The following AUTS2 variants were observed in gnomAD, a reference collection of about 807,000 sequenced individuals.
AUTS2 encodes autism susceptibility gene 2 protein.
AUTS2 carries 17 observed loss-of-function variants against 112.4 expected under a neutral mutation model. That is an observed-to-expected ratio of 0.15 (90% CI 0.10 to 0.23). AUTS2 has a LOEUF of 0.23. Among genes scored for constraint, AUTS2 ranks in the 10% least tolerant of loss-of-function variants. The pLI is 1.00. For synonymous variants in AUTS2, 751 were observed against 702.7 expected (o/e 1.07, Z -1.09); for missense variants, 1,510 against 1,701.6 (o/e 0.89, Z 1.98).
At chr7:69,705,808 T>C (rs1190088258) in intron 1 of AUTS2, among the ~76,000 whole-genome samples, 1 of 152,150 alleles carries the variant, frequency 6.6e-6, no homozygotes, top group Non-Finnish European at 1.5e-5. Flanking sequence ...GAGGTTTGGT[T>C]TCTTCTGAGG....
intron 1 of AUTS2, among the ~76,000 whole-genome samples, chr7:69,690,863 G>A (rs1476144281): frequency 1.3e-5 from 2 of 152,218 alleles, no homozygotes; most frequent in East Asian, 1.9e-4. Flanking sequence ...AATGAGATAC[G>A]TGGACAACCA....
intron 2 of AUTS2, among the ~76,000 whole-genome samples, chr7:70,093,587 G>A (rs891702968): frequency 3.3e-5 from 5 of 152,208 alleles, no homozygotes; most frequent in African/African-American, 1.2e-4. Flanking sequence ...TAACTTAGAA[G>A]TGGAGAGAAA....
chr7:69,927,442 A>T (rs1053308331), intron 2 of AUTS2, among the ~76,000 whole-genome samples: 12 of 150,180 alleles, frequency 8.0e-5, no homozygotes, highest in Admixed American at 2.0e-4. Context: ...TTAAATAATT[A>T]AAAAAAAAAT....
At chr7:70,586,979 G>A (rs1018297189) in intron 5 of AUTS2, among the ~76,000 whole-genome samples, 2 of 152,168 alleles carry the variant, frequency 1.3e-5, no homozygotes, top group Admixed American at 1.3e-4. Context: ...AGTAGTTTAG[G>A]TCTAATTCCA....
intron 5 of AUTS2, among the ~76,000 whole-genome samples, chr7:70,535,353 A>G (rs922945696): frequency 5.3e-5 from 8 of 152,034 alleles, no homozygotes; most frequent in Non-Finnish European, 7.4e-5. Context: ...AATTCTGCAC[A>G]TGAAAACTGA....
At chr7:70,646,034 G>A (rs539579093) in intron 5 of AUTS2, among the ~76,000 whole-genome samples, 11 of 152,324 alleles carry the variant, frequency 7.2e-5, no homozygotes, top group Non-Finnish European at 1.2e-4. Context: ...TGAACTTGCA[G>A]AAGGAAATGC....
In AUTS2 at chr7:69,812,264, A is replaced by T. The variant is rs375636413; in HGVS notation, c.310-87022A>T. Among the ~76,000 whole-genome samples the T allele has an allele frequency of 5.3e-5, 8 of 152,290 alleles. 1 individual carries two copies. Among genetic ancestry groups the T allele is most frequent in the Middle Eastern group, 6.8e-3 (2 of 294 alleles). On this transcript the variant is annotated intron_variant, in intron 1 of 18. Transcript: ENST00000342771. The stretch of plus-strand genomic sequence containing the variant: ...AACTCTCCAGCATCATAATTAGGGT[A>T]TTTCTGGGAGGAGAAAAAAAAGACA...
chr7:70,602,242 T>G (rs547738569), intron 5 of AUTS2, among the ~76,000 whole-genome samples: 1 of 152,198 alleles, frequency 6.6e-6, no homozygotes, highest in African/African-American at 2.4e-5. Context: ...CTTAGACTTA[T>G]GTCATGCCAT....
intron 1 of AUTS2, among the ~76,000 whole-genome samples, chr7:69,791,662 G>A (rs1789610681): frequency 6.6e-6 from 1 of 152,166 alleles, no homozygotes; most frequent in African/African-American, 2.4e-5. Flanking sequence ...AGCTGCTTAA[G>A]GTAAAGAAAT....
intron 2 of AUTS2, among the ~76,000 whole-genome samples, chr7:70,060,256 A>G (rs1425793354): frequency 6.6e-6 from 1 of 152,228 alleles, no homozygotes; most frequent in Non-Finnish European, 1.5e-5. Flanking sequence ...AATTTCACTT[A>G]AAGAAATGCT....
At chr7:70,132,459 A>G (rs1435941364) in intron 3 of AUTS2, among the ~76,000 whole-genome samples, 2 of 152,222 alleles carry the variant, frequency 1.3e-5, no homozygotes, top group East Asian at 3.8e-4. Context: ...AGGCAAGCCA[A>G]TCGCCATGAA....
intron 9 of AUTS2, among the ~76,000 whole-genome samples, chr7:70,767,794 T>C (rs1255172641): frequency 1.3e-5 from 2 of 152,218 alleles, no homozygotes; most frequent in African/African-American, 2.4e-5. Context: ...AAGAAAGGCA[T>C]CCTAGTACGT....
chr7:70,178,748 T>C (rs1057142024), intron 4 of AUTS2, among the ~76,000 whole-genome samples: 1 of 151,842 alleles, frequency 6.6e-6, no homozygotes, highest in African/African-American at 2.4e-5. Flanking sequence ...TGCAGTGAGC[T>C]GAGATGGTGC....
chr7:70,327,384 T>C (rs1790540075), intron 4 of AUTS2, among the ~76,000 whole-genome samples: 1 of 152,186 alleles, frequency 6.6e-6, no homozygotes, highest in African/African-American at 2.4e-5. Flanking sequence ...AATGCCTATT[T>C]ATCAGCCTTT....
intron 4 of AUTS2, among the ~76,000 whole-genome samples, chr7:70,426,566 C>T (rs993535201): frequency 6.6e-6 from 1 of 152,204 alleles, no homozygotes. Context: ...GTGAAACCGA[C>T]AGGCACAGAG....
intron 2 of AUTS2, among the ~76,000 whole-genome samples, chr7:69,948,320 C>G (rs1416621875): frequency 6.6e-6 from 1 of 152,188 alleles, no homozygotes; most frequent in African/African-American, 2.4e-5. Flanking sequence ...AAAAGATATT[C>G]TTTTACTCTT....
intron 2 of AUTS2, among the ~76,000 whole-genome samples, chr7:70,086,069 T>C (rs1167691325): frequency 6.6e-6 from 1 of 152,242 alleles, no homozygotes; most frequent in Non-Finnish European, 1.5e-5. Context: ...ATTGTAGTTT[T>C]ATAATCTATT....
intron 1 of AUTS2, among the ~76,000 whole-genome samples, chr7:69,726,057 C>T (rs117970834): frequency 0.013 from 1,972 of 152,186 alleles, 19 homozygotes; most frequent in East Asian, 0.052. Flanking sequence ...ATATTGTTTA[C>T]ATGCAGTGAA....
chr7:70,587,359 G>A (rs1186860896), intron 5 of AUTS2, among the ~76,000 whole-genome samples: 1 of 152,152 alleles, frequency 6.6e-6, no homozygotes, highest in Non-Finnish European at 1.5e-5. Context: ...TTACAGGCAT[G>A]AGCCACCACA....
Sources: allele counts gnomAD v4.1 joint callset (sites outside exome capture counted in the v4.1 genomes callset), GRCh38; gene constraint gnomAD v4.1.1; transcripts MANE v1.5; gene names NCBI Gene and HGNC (gene_info 2026-07-23, HGNC 2026-07-21).